Variants in C3orf52 observed in about 807,000 individuals in gnomAD.
C3orf52 encodes the protein TPA-induced transmembrane protein.
A neutral mutation model predicts 24.8 loss-of-function variants in C3orf52; 22 were observed. The observed-to-expected ratio is 0.89, with a 90% confidence interval of 0.63 to 1.27. The LOEUF is 1.27. C3orf52 is among the 50% of genes most tolerant of loss of function. C3orf52 has a pLI of 0.00. For missense variants in C3orf52, 265 were observed against 260.7 expected (o/e 1.02, Z -0.11); for synonymous variants, 93 against 100.2 (o/e 0.93, Z 0.43).
chr3:112,091,829 C>A (rs2073879797), intron 1 of C3orf52, among the ~76,000 whole-genome samples: 1 of 151,934 alleles, frequency 6.6e-6, no homozygotes, highest in African/African-American at 2.4e-5. Context: ...ACAGTGAAAC[C>A]CCGTCTCTAC....
At chr3:112,101,806 C>T (rs1398704792) in intron 2 of C3orf52, among the ~76,000 whole-genome samples, 1 of 152,170 alleles carries the variant, frequency 6.6e-6, no homozygotes, top group Admixed American at 6.5e-5. Flanking sequence ...TTCCTCCCAC[C>T]TACGCCTTTC....
At chr3:112,132,982 C>A, downstream of C3orf52, 1 of 1,109,414 alleles carries the variant, frequency 9.0e-7, no homozygotes, top group Admixed American at 2.1e-5. Flanking sequence ...TACCCAACTA[C>A]TTTCTACCCC....
intron 3 of C3orf52, among the ~76,000 whole-genome samples, chr3:112,109,142 GA>G (rs1178602229): frequency 6.6e-6 from 1 of 152,178 alleles, no homozygotes; most frequent in Non-Finnish European, 1.5e-5. Flanking sequence ...GGAGAAGGGA[GA>G]AAGAAGCCCT....
At chr3:112,130,186 TATAACAGGGC>T (rs1460181764), downstream of C3orf52, 13 of 461,816 alleles carry the variant, frequency 2.8e-5, no homozygotes, top group Admixed American at 3.1e-4. Context: ...CCTTTTATTT[TATAACAGGGC>T]ATAACAGGGA....
At chr3:112,103,012 A>G in intron 3 of C3orf52, 47 bp downstream of exon 3, 1 of 1,583,246 alleles carries the variant, frequency 6.3e-7, no homozygotes, top group Non-Finnish European at 8.6e-7. Context: ...ACATTAGAAT[A>G]TGAATTTTGC....
intron 4 of C3orf52, 159 bp from the exon 5 acceptor site, chr3:112,112,805 T>C: frequency 1.4e-6 from 1 of 729,046 alleles, no homozygotes; most frequent in Non-Finnish European, 2.5e-6. Flanking sequence ...GGAAGAGGAT[T>C]CTTATAGGAC....
rs1425480009 is a variant in C3orf52 at position 112,115,400 on chromosome 3, C to T, written c.650-1242C>T. Among the ~76,000 whole-genome samples the T allele has an allele frequency of 2.6e-5, 4 of 152,162 alleles. No homozygotes were observed. In the South Asian group the frequency reaches 6.2e-4, roughly 24 times the overall value. On this transcript the variant is annotated intron_variant, in intron 5 of 5. Coordinates refer to ENST00000264848, the MANE Select transcript of C3orf52 (RefSeq NM_024616.3). ...CCAAGAGGGATGGAATGAGTTCTTA[C>T]GCCAGTTTCTACGTGCTCATGAGCT...
chr3:112,115,684 G>A (rs1576150685), intron 5 of C3orf52, among the ~76,000 whole-genome samples: 1 of 152,208 alleles, frequency 6.6e-6, no homozygotes, highest in East Asian at 1.9e-4. Context: ...GTCCATTTGG[G>A]GTTTGTATAT....
At chr3:112,109,668 A>G in intron 4 of C3orf52, 55 bp downstream of exon 4, 1 of 1,067,032 alleles carries the variant, frequency 9.4e-7, no homozygotes, top group East Asian at 2.6e-5. Context: ...AGATCCCCCC[A>G]CCCCACCCTT....
At chr3:112,103,628 T>C (rs2073999272) in intron 3 of C3orf52, among the ~76,000 whole-genome samples, 1 of 152,136 alleles carries the variant, frequency 6.6e-6, no homozygotes, top group Non-Finnish European at 1.5e-5. Flanking sequence ...CGTTTTATAA[T>C]AGTGTGGTAT....
At chr3:112,123,135 C>T, downstream of C3orf52, 1 of 326,430 alleles carries the variant, frequency 3.1e-6, no homozygotes, top group Non-Finnish European at 5.7e-6. Context: ...AGATCCCAGA[C>T]AGAAGAGCAG....
chr3:112,123,193 T>C (rs2074232466), downstream of C3orf52: 1 of 533,492 alleles, frequency 1.9e-6, no homozygotes, highest in East Asian at 3.6e-5. Context: ...GAGCCCCTCC[T>C]ACCACTATAC....
chr3:112,114,210 A>G (rs893088157), intron 5 of C3orf52, among the ~76,000 whole-genome samples: 1 of 152,156 alleles, frequency 6.6e-6, no homozygotes, highest in African/African-American at 2.4e-5. Context: ...GGCAAGAGTA[A>G]TGTTGGCCTA....
chr3:112,119,399 CAG>C (rs2074168139), downstream of C3orf52: 4 of 691,316 alleles, frequency 5.8e-6, no homozygotes, highest in Admixed American at 2.1e-5. Context: ...AACAAACAAA[CAG>C]AAACAGTAGG....
At chr3:112,090,584 G>A (rs2073868620) in intron 1 of C3orf52, among the ~76,000 whole-genome samples, 2 of 152,166 alleles carry the variant, frequency 1.3e-5, no homozygotes, top group African/African-American at 4.8e-5. Flanking sequence ...AGGTCAGTGA[G>A]GGCACTAGGC....
chr3:112,088,774 C>G, intron 1 of C3orf52, among the ~76,000 whole-genome samples: 1 of 152,184 alleles, frequency 6.6e-6, no homozygotes, highest in African/African-American at 2.4e-5. Flanking sequence ...TTACTAATTT[C>G]TATAAGTTAG....
intron 1 of C3orf52, among the ~76,000 whole-genome samples, chr3:112,087,104 G>C (rs925477117): frequency 7.0e-6 from 1 of 143,334 alleles, no homozygotes; most frequent in Non-Finnish European, 1.5e-5. Context: ...ATAGGGGAGA[G>C]CACAGAGGAG....
At chr3:112,110,205 C>T (rs1198992035) in intron 4 of C3orf52, among the ~76,000 whole-genome samples, 1 of 152,054 alleles carries the variant, frequency 6.6e-6, no homozygotes, top group African/African-American at 2.4e-5. Context: ...TGGTGGGTGC[C>T]TCTAATCCCA....
chr3:112,104,230 C>T (rs1168605196), intron 3 of C3orf52, among the ~76,000 whole-genome samples: 3 of 151,994 alleles, frequency 2.0e-5, no homozygotes, highest in Non-Finnish European at 4.4e-5. Context: ...GAGAATGAAC[C>T]CTCTGTGGAA....
Sources: gnomAD v4.1 joint callset for allele counts (sites outside exome capture counted in the v4.1 genomes callset) on GRCh38, gnomAD v4.1.1 for gene constraint, MANE v1.5 for transcripts, NCBI Gene and HGNC (gene_info 2026-07-23, HGNC 2026-07-21) for gene names.